Variants in RSPH6A observed in about 807,000 individuals in gnomAD.
The protein encoded by RSPH6A is radial spoke head 6 homolog A.
In RSPH6A, 49 loss-of-function variants were observed where a neutral mutation model predicts 66.1. That is an observed-to-expected ratio of 0.74 (90% CI 0.59 to 0.94). The LOEUF is 0.94. Among genes scored for constraint, RSPH6A ranks in the 40% least tolerant of loss-of-function variants. The pLI is 0.00. For synonymous variants in RSPH6A, 419 were observed against 402.4 expected (o/e 1.04, Z -0.49); for missense variants, 977 against 948.3 (o/e 1.03, Z -0.40).
At chr19:45,800,900 C>T (rs1313791110) in intron 4 of RSPH6A, among the ~76,000 whole-genome samples, 1 of 151,600 alleles carries the variant, frequency 6.6e-6, no homozygotes, top group Non-Finnish European at 1.5e-5. Flanking sequence ...CAGGTTCAAA[C>T]GACTCTCCTT....
intron 4 of RSPH6A, among the ~76,000 whole-genome samples, chr19:45,800,788 T>TCC: frequency 7.2e-6 from 1 of 139,520 alleles, no homozygotes; most frequent in Non-Finnish European, 1.6e-5. Context: ...TCTCTCTCTC[T>TCC]CTCGCTCTCT....
In RSPH6A at chr19:45,804,660, G is replaced by T; in HGVS notation, c.1245C>A (p.Pro415=). ...KSVWKPPPVI[P]KEESRSGANK... ...TGGCGCCTGAGCGGCTCTCCTCCTT[G>T]GGGATCACGGGCGGCGGCTTCCATA... Residue 415 remains proline (P), a synonymous_variant, in exon 3 of 6, where the codon CCC becomes CCA. Transcript: ENST00000221538. The surrounding 1 kb of genome is among the most constrained non-coding windows in gnomAD (Gnocchi z 5.8). 1 of 1,614,044 alleles carries T rather than the reference G, an allele frequency of 6.2e-7. No homozygotes were observed. The highest frequency in any genetic ancestry group is 8.5e-7 in the Non-Finnish European group (1 of 1,180,004).
intron 2 of RSPH6A, among the ~76,000 whole-genome samples, chr19:45,807,896 G>A (rs1000240182): frequency 6.6e-6 from 1 of 152,158 alleles, no homozygotes; most frequent in Non-Finnish European, 1.5e-5. Flanking sequence ...GGAGTGTGGG[G>A]AATAGGCAGC....
chr19:45,798,396 C>T (rs573299049), intron 5 of RSPH6A, among the ~76,000 whole-genome samples: 1 of 151,690 alleles, frequency 6.6e-6, no homozygotes, highest in Non-Finnish European at 1.5e-5. Context: ...AAAATGAGGC[C>T]AGGCACAGTG....
At position 45,804,830 on chromosome 19, in the gene RSPH6A, C is replaced by T. The variant is rs751711796; in HGVS notation, c.1075G>A (p.Glu359Lys). 4 of 1,614,066 alleles carry T rather than the reference C, an allele frequency of 2.5e-6. No homozygotes were observed. Among genetic ancestry groups the T allele is most frequent in the Middle Eastern group, 1.6e-4 (1 of 6,084 alleles). The change falls in exon 3 of 6, where the codon GAG becomes AAG. Residue 359 changes from glutamate to lysine, a missense_variant. By Grantham distance (56) the Glu-to-Lys change is moderately conservative. Transcript: ENST00000221538. This position sits in a 1 kb window ranked among gnomAD's most constrained non-coding sequence, Gnocchi z 5.8. ...TCCTCGCCCTCCCGGAATTCCACCT[C>T]GGCCACCAGGTAGCTGCGTTTGATT... Reference protein sequence around the residue: ...LGIKRSYLVAEVEFREGEEEA... With the variant: ...LGIKRSYLVAKVEFREGEEEA...
chr19:45,809,153 C>T (rs1454837069), intron 2 of RSPH6A, among the ~76,000 whole-genome samples: 1 of 150,846 alleles, frequency 6.6e-6, no homozygotes, highest in African/African-American at 2.4e-5. Flanking sequence ...AGGCGCCTGC[C>T]TCCACGCCTG....
chr19:45,802,109 G>T lies in RSPH6A; in HGVS notation c.1798+11C>A. 1 of 1,503,116 alleles carries T rather than the reference G, an allele frequency of 6.7e-7. No individual in the cohort carries two copies. The highest frequency in any genetic ancestry group is 1.3e-5 in the South Asian group (1 of 75,220). The allele number at this position is 1,503,116 out of a possible 1,614,324, so 93.1% of individuals were successfully genotyped here. On this transcript the variant is annotated intron_variant, in intron 4 of 5. Coordinates refer to ENST00000221538, the MANE Select transcript of RSPH6A (RefSeq NM_030785.4). ...CAGCCAGTGGTGTACAGGCTGAGAG[G>T]GCTTCCTTACCTGCATCTTCTGAAA...
At position 45,814,626 on chromosome 19, in the gene RSPH6A, T is replaced by C. The variant is rs761980403; in HGVS notation, c.551A>G (p.His184Arg). ...GGGCTCAGGCACCTGGGCACTGTAG[T>C]GTGGGAAGCCCAGCTCAGAGGGCAA... The part of the protein sequence containing the change: ...QFLPSELGFP[H>R]YSAQVPEPEP... The change falls in exon 1 of 6, where the codon CAC (histidine) becomes CGC (arginine). Residue 184 changes from histidine to arginine, a missense_variant. Coordinates refer to ENST00000221538, the MANE Select transcript of RSPH6A (RefSeq NM_030785.4). 1.2e-6 allele frequency: 2 copies of C among 1,601,180 alleles called. No individual in the cohort carries two copies. Among genetic ancestry groups the C allele is most frequent in the East Asian group, 4.5e-5 (2 of 44,824 alleles).
chr19:45,795,813 C>G lies in RSPH6A; in HGVS notation c.*56G>C. The G allele has an allele frequency of 1.4e-6, 2 of 1,479,262 alleles. No homozygotes were observed. The highest frequency in any genetic ancestry group is 1.8e-6 in the Non-Finnish European group (2 of 1,084,026). The allele number at this position is 1,479,262 out of a possible 1,614,324, so 91.6% of individuals were successfully genotyped here. On this transcript the variant is annotated 3_prime_UTR_variant, in exon 6 of 6. Coordinates refer to ENST00000221538, the MANE Select transcript of RSPH6A (RefSeq NM_030785.4). ...TGAAAATATAATCCATGCTAACTAC[C>G]TCTAAGGGGAAATTTGCTATCTACC...
Position 45,814,846 on chromosome 19 carries a change from C to T in RSPH6A, c.331G>A (p.Val111Ile), listed in dbSNP as rs1348289265. 1.9e-6 allele frequency: 3 copies of T among 1,614,076 alleles called. No homozygotes were observed. Among genetic ancestry groups the T allele is most frequent in the Non-Finnish European group, 2.5e-6 (3 of 1,180,002 alleles). Residue 111 changes from valine (V) to isoleucine (I), a missense_variant, in exon 1 of 6, where the codon GTC (valine) becomes ATC (isoleucine). Transcript: ENST00000221538. ...QPYSDESRMQ[V>I]AELTTSLMLQ... is the part of the protein sequence containing the mutation. ...ATTAGGCTGGTGGTGAGCTCGGCGACCTGCATCCTGCTTTCATCAGAGTAA... is the reference window on the plus strand; with the variant it reads ...ATTAGGCTGGTGGTGAGCTCGGCGATCTGCATCCTGCTTTCATCAGAGTAA...
In RSPH6A at chr19:45,804,210, C is replaced by T; in HGVS notation, c.1653+42G>A. The T allele has an allele frequency of 6.5e-7, 1 of 1,533,116 alleles. No individual in the cohort carries two copies. The highest frequency in any genetic ancestry group is 8.9e-7 in the Non-Finnish European group (1 of 1,124,064). The allele number at this position is 1,533,116 out of a possible 1,614,324, so 95.0% of individuals were successfully genotyped here. Reference sequence around the variant, plus strand: ...TATTGCAGGGTCATGCGTGAGCCCCCTGCTCCTGCCGTTTGTGAGAGGCGG... The same window carrying T: ...TATTGCAGGGTCATGCGTGAGCCCCTTGCTCCTGCCGTTTGTGAGAGGCGG... On this transcript the variant is annotated intron_variant, in intron 3 of 5. Coordinates refer to ENST00000221538, the MANE Select transcript of RSPH6A (RefSeq NM_030785.4). The surrounding 1 kb of genome is among the most constrained non-coding windows in gnomAD (Gnocchi z 5.8).
chr19:45,803,693 GAAAA>G (rs372215678), intron 3 of RSPH6A, among the ~76,000 whole-genome samples: 1 of 136,048 alleles, frequency 7.4e-6, no homozygotes, highest in Non-Finnish European at 1.6e-5. Context: ...GAAAAGAAAA[GAAAA>G]AAAAAAAAAA....
At chr19:45,798,709 A>G (rs1309496366) in intron 5 of RSPH6A, among the ~76,000 whole-genome samples, 1 of 150,446 alleles carries the variant, frequency 6.6e-6, no homozygotes, top group Non-Finnish European at 1.5e-5. Flanking sequence ...CATGGTGGCG[A>G]GCACCTGTAG....
intron 2 of RSPH6A, among the ~76,000 whole-genome samples, chr19:45,805,311 C>A (rs1019676098): frequency 2.6e-5 from 4 of 152,224 alleles, no homozygotes; most frequent in Middle Eastern, 3.4e-3. Context: ...GCAGGAGAAT[C>A]ACTTGAACCG....
chr19:45,798,176 TG>T (rs1199432141), intron 5 of RSPH6A, among the ~76,000 whole-genome samples: 3 of 150,772 alleles, frequency 2.0e-5, no homozygotes, highest in Non-Finnish European at 4.4e-5. Context: ...CTGGCCAACA[TG>T]GTGAAACCCC....
At position 45,814,879 on chromosome 19, in the gene RSPH6A, G is replaced by A. The variant is rs774625431; in HGVS notation, c.298C>T (p.Pro100Ser). ...CTGCTTTCATCAGAGTAAGGCTGAG[G>A]CTGGAACTCTGAGGGAAAGCCCGTG... ...VNTGFPSEFQ[P>S]QPYSDESRMQ... The change falls in exon 1 of 6, where the codon CCT becomes TCT. Residue 100 changes from proline to serine, a missense_variant. Transcript: ENST00000221538. 8.7e-6 allele frequency: 14 copies of A among 1,614,138 alleles called. No individual in the cohort carries two copies. Among genetic ancestry groups the A allele is most frequent in the South Asian group, 2.2e-5 (2 of 91,088 alleles).
At position 45,795,763 on chromosome 19, in the gene RSPH6A, C is replaced by A; in HGVS notation, c.*106G>T. On this transcript the variant is annotated 3_prime_UTR_variant, in exon 6 of 6. Coordinates refer to ENST00000221538, the MANE Select transcript of RSPH6A (RefSeq NM_030785.4). ...CAGTTGCCTTCCTTTTCTATCCCTG[C>A]CCTCTGGGGACAGGAAGCACATAGT... The A allele has an allele frequency of 9.8e-7, 1 of 1,019,354 alleles. No individual in the cohort carries two copies. The highest frequency in any genetic ancestry group is 1.4e-6 in the Non-Finnish European group (1 of 696,674). The allele number at this position is 1,019,354 out of a possible 1,614,324, so 63.1% of individuals were successfully genotyped here.
Position 45,810,583 on chromosome 19 carries a change from C to G in RSPH6A, c.888+20G>C. On this transcript the variant is annotated intron_variant, in intron 2 of 5. Transcript: ENST00000221538. ...CCCCCACTGACCCTGATGCCCACCT[C>G]TCCTGACTGGCTCACTCACCACCTC... 6.2e-7 allele frequency: 1 copy of G among 1,611,338 alleles called. No homozygotes were observed.
chr19:45,811,751 ATT>A (rs376682113), intron 1 of RSPH6A, among the ~76,000 whole-genome samples: 32,359 of 83,360 alleles, frequency 0.39, 4,269 homozygotes, highest in Admixed American at 0.46. Context: ...TTGTATTATT[ATT>A]ATTATTATTA....
Sources: allele counts gnomAD v4.1 joint callset (sites outside exome capture counted in the v4.1 genomes callset), GRCh38; gene constraint gnomAD v4.1.1; non-coding constraint Gnocchi (gnomAD v3.1); transcripts MANE v1.5; gene names NCBI Gene and HGNC (gene_info 2026-07-23, HGNC 2026-07-21).